Variants in ARHGEF10 observed in about 807,000 individuals in gnomAD.
The protein encoded by ARHGEF10 is Rho guanine nucleotide exchange factor 10, also known as Rho guanine nucleotide exchange factor (GEF) 10.
ARHGEF10 carries 140 observed loss-of-function variants against 147.4 expected under a neutral mutation model. The ratio of observed to expected loss-of-function variants is 0.95; its 90% CI spans 0.83 to 1.09. The LOEUF (loss-of-function observed/expected upper bound fraction) is 1.09. Ranked by LOEUF, ARHGEF10 falls within the 50% of genes least tolerant of loss-of-function variation. The pLI is 0.00. For synonymous variants in ARHGEF10, 902 were observed against 695.8 expected, an observed-to-expected ratio of 1.30 and a Z score of -4.67; for missense variants, 2,222 against 1,752.7, an observed-to-expected ratio of 1.27 and a Z score of -4.78.
At chr8:1,902,252 G>A (rs1485146966) in intron 15 of ARHGEF10, among the ~76,000 whole-genome samples, 1 of 151,286 alleles carries the variant, frequency 6.6e-6, no homozygotes, top group Non-Finnish European at 1.5e-5. Flanking sequence ...AGTGTTTCAA[G>A]TTCACGTTTG....
intron 18 of ARHGEF10, among the ~76,000 whole-genome samples, chr8:1,910,427 C>T (rs1811271922): frequency 6.6e-6 from 1 of 152,116 alleles, no homozygotes; most frequent in Admixed American, 6.5e-5. Context: ...GGTAATCTGC[C>T]TAGTAGGCTA....
chr8:1,859,751 G>A, intron 3 of ARHGEF10, 146 bp from the exon 4 acceptor site: 1 of 962,312 alleles, frequency 1.0e-6, no homozygotes, highest in Non-Finnish European at 1.6e-6. Context: ...TCCCTCCGAG[G>A]CCACCTGATG....
chr8:1,840,524 G>C (rs1803947350), intron 1 of ARHGEF10, among the ~76,000 whole-genome samples: 1 of 148,538 alleles, frequency 6.7e-6, no homozygotes, highest in African/African-American at 2.5e-5. Flanking sequence ...TGTGGAATCT[G>C]TCCGGTGTGG....
intron 18 of ARHGEF10, among the ~76,000 whole-genome samples, chr8:1,911,500 T>C (rs2129186684): frequency 6.6e-6 from 1 of 152,346 alleles, no homozygotes; most frequent in Admixed American, 6.5e-5. Flanking sequence ...TGTCTGAAGA[T>C]AGAACTCAAG....
In ARHGEF10 at chr8:1,885,583, T is replaced by A; in HGVS notation, c.1076-18T>A. The A allele has an allele frequency of 6.4e-7, 1 of 1,561,040 alleles. No homozygotes were observed. The highest frequency in any genetic ancestry group is 1.1e-5 in the South Asian group (1 of 89,842). ...TTATTTGAATGTAAAATTCATGCAT[T>A]TTGACTTTTTTTTTAAGATCACAGA... is the stretch of plus-strand genomic sequence containing the variant. On this transcript the variant is annotated intron_variant, in intron 10 of 28. Transcript: ENST00000349830.
intron 26 of ARHGEF10, 40 bp from the exon 27 acceptor site, chr8:1,945,441 A>G (rs1407597595): frequency 6.4e-7 from 1 of 1,556,176 alleles, no homozygotes; most frequent in Admixed American, 1.9e-5. Context: ...ACTCAGACTC[A>G]CTCCACGGGG....
chr8:1,924,223 G>C (rs1306360667), intron 21 of ARHGEF10, among the ~76,000 whole-genome samples: 1 of 152,100 alleles, frequency 6.6e-6, no homozygotes, highest in Non-Finnish European at 1.5e-5. Context: ...ATGGCAGGGG[G>C]GTCATTGTTC....
intron 8 of ARHGEF10, among the ~76,000 whole-genome samples, chr8:1,879,056 C>A (rs1278929521): frequency 6.6e-6 from 1 of 152,174 alleles, no homozygotes; most frequent in Admixed American, 6.5e-5. Flanking sequence ...TTCAAAGGGT[C>A]ACATTTTAAA....
chr8:1,918,460 CTGTGTGTGTG>C (rs60519090), intron 18 of ARHGEF10, among the ~76,000 whole-genome samples: 1,718 of 140,910 alleles, frequency 0.012, 35 homozygotes, highest in African/African-American at 0.039. Context: ...CATTTGATGG[CTGTGTGTGTG>C]TGTGTGTGTG....
intron 18 of ARHGEF10, among the ~76,000 whole-genome samples, chr8:1,913,577 T>C (rs1455574392): frequency 6.6e-6 from 1 of 152,266 alleles, no homozygotes; most frequent in African/African-American, 2.4e-5. Context: ...TTTCTGGCTT[T>C]GCTTGTTATT....
rs77918838 is a variant in ARHGEF10 at position 1,871,318 on chromosome 8, A to G, written c.679+2068A>G. Among the ~76,000 whole-genome samples, 556 of 152,184 alleles carry G rather than the reference A, an allele frequency of 3.7e-3. 11 individuals carry two copies. In the East Asian group the frequency reaches 0.042, roughly 11 times the overall value. ...CAAATGCCAAAGAATGGATGTTCAG[A>G]CCTTATTTCCTCATAATAACTGAAT... On this transcript the variant is annotated intron_variant, in intron 7 of 28. Coordinates refer to ENST00000349830, the MANE Select transcript of ARHGEF10 (RefSeq NM_014629.4).
intron 11 of ARHGEF10, among the ~76,000 whole-genome samples, chr8:1,892,505 C>A (rs552766827): frequency 6.6e-6 from 1 of 152,190 alleles, no homozygotes; most frequent in South Asian, 2.1e-4. Flanking sequence ...GGTTGCCCTG[C>A]AATCTTTTTA....
chr8:1,827,266 C>T (rs1554462795), intron 1 of ARHGEF10, among the ~76,000 whole-genome samples: 1 of 152,148 alleles, frequency 6.6e-6, no homozygotes, highest in Non-Finnish European at 1.5e-5. Flanking sequence ...GGTTTTGGTT[C>T]TGTTTGTTTG....
At chr8:1,828,864 C>T (rs891763177) in intron 1 of ARHGEF10, among the ~76,000 whole-genome samples, 1 of 151,870 alleles carries the variant, frequency 6.6e-6, no homozygotes, top group Non-Finnish European at 1.5e-5. Context: ...GGCATGCGCA[C>T]TTACTGTTTT....
intron 1 of ARHGEF10, chr8:1,825,996 A>T: frequency 1.2e-6 from 1 of 858,532 alleles, no homozygotes; most frequent in Middle Eastern, 2.2e-4. Context: ...ACTGAGGTTT[A>T]CACGTCATGT....
chr8:1,935,546 C>T (rs3779705), intron 26 of ARHGEF10, among the ~76,000 whole-genome samples: 12,030 of 152,226 alleles, frequency 0.079, 583 homozygotes, highest in Middle Eastern at 0.13. Context: ...CTGGTTGGAA[C>T]GTGGGGACAC....
intron 5 of ARHGEF10, 90 bp from the exon 6 acceptor site, chr8:1,866,436 C>G (rs914729467): frequency 1.9e-5 from 19 of 998,882 alleles, no homozygotes; most frequent in African/African-American, 4.7e-5. Flanking sequence ...CACACACACA[C>G]ACACACACAC....
At chr8:1,862,709 C>G (rs1250730888) in intron 4 of ARHGEF10, among the ~76,000 whole-genome samples, 1 of 152,158 alleles carries the variant, frequency 6.6e-6, no homozygotes, top group African/African-American at 2.4e-5. Flanking sequence ...CTGCCTTTGT[C>G]CCTCTGCAAA....
upstream of ARHGEF10, among the ~76,000 whole-genome samples, chr8:1,823,784 G>A (rs1462904217): frequency 2.0e-5 from 3 of 151,814 alleles, no homozygotes; most frequent in African/African-American, 4.8e-5. Flanking sequence ...GGGCGCGGGC[G>A]GCCACGTGGC....
Sources: allele counts gnomAD v4.1 joint callset (sites outside exome capture counted in the v4.1 genomes callset), GRCh38; gene constraint gnomAD v4.1.1; transcripts MANE v1.5; gene names NCBI Gene and HGNC (gene_info 2026-07-23, HGNC 2026-07-21).